COL24A1: variants seen among roughly 807,000 people sequenced by gnomAD.
The protein encoded by COL24A1 is collagen alpha-1(XXIV) chain.
A neutral mutation model predicts 253.9 loss-of-function variants in COL24A1; 224 were observed. That is an observed-to-expected ratio of 0.88 (90% CI 0.79 to 0.99). The LOEUF (loss-of-function observed/expected upper bound fraction) is 0.99, where lower values mean the gene tolerates loss of function less well. Ranked by LOEUF, COL24A1 falls within the 50% of genes least tolerant of loss-of-function variation. The pLI is 0.00. For missense variants in COL24A1, 2,131 were observed against 2,068.5 expected, an observed-to-expected ratio of 1.03 and a Z score of -0.59; for synonymous variants, 685 against 673.7, an observed-to-expected ratio of 1.02 and a Z score of -0.26.
Position 85,816,866 on chromosome 1 carries a change from G to A in COL24A1, c.3873C>T (p.Gly1291=), listed in dbSNP as rs770043801. The A allele has an allele frequency of 3.1e-6, 5 of 1,613,840 alleles. No individual in the cohort carries two copies. In the African/African-American group the frequency reaches 6.7e-5, roughly 22 times the overall value. The part of the protein sequence containing the change: ...PGLQGLLGPK[G]IQGYHGADGI... ...CATCTGCTCCATGGTATCCTTGTAT[G>A]CCTTTTGGCCCAAGTAGGCCTTGAA... Residue 1291 remains glycine (G), a synonymous_variant, in exon 47 of 60, where the codon GGC becomes GGT. Transcript: ENST00000370571.
At chr1:86,077,297 C>T (rs1439182168) in intron 7 of COL24A1, among the ~76,000 whole-genome samples, 4 of 152,216 alleles carry the variant, frequency 2.6e-5, no homozygotes, top group African/African-American at 9.7e-5. Flanking sequence ...GATACCATCT[C>T]ATGCCAGTTA....
intron 24 of COL24A1, 109 bp downstream of exon 24, chr1:85,961,140 A>C (rs1691013474): frequency 2.4e-6 from 2 of 823,408 alleles, no homozygotes; most frequent in Non-Finnish European, 4.1e-6. Flanking sequence ...AGTGGATAAG[A>C]ATTATTCTGA....
In COL24A1 at chr1:85,907,276, T is replaced by C. The variant is rs572446496; in HGVS notation, c.2725-29A>G. The C allele has an allele frequency of 1.8e-5, 29 of 1,575,010 alleles. No individual in the cohort carries two copies. The Admixed American group carries it at 1.8e-4, about 10-fold the overall frequency. On this transcript the variant is annotated intron_variant, in intron 27 of 59. Coordinates refer to ENST00000370571, the MANE Select transcript of COL24A1 (RefSeq NM_152890.7). Reference sequence around the variant, plus strand: ...TATGTTGTAAATTTAAAGTCAGTTGTAGAATTTACAAGAATACTATCAGAA... The same window carrying C: ...TATGTTGTAAATTTAAAGTCAGTTGCAGAATTTACAAGAATACTATCAGAA...
At chr1:85,913,781 G>GA (rs1490258269) in intron 24 of COL24A1, among the ~76,000 whole-genome samples, 1 of 152,196 alleles carries the variant, frequency 6.6e-6, no homozygotes, top group Non-Finnish European at 1.5e-5. Flanking sequence ...AAGGTCAATG[G>GA]AAAATTACAA....
chr1:86,139,881 C>A (rs1650826213), intron 2 of COL24A1, among the ~76,000 whole-genome samples: 1 of 152,086 alleles, frequency 6.6e-6, no homozygotes, highest in African/African-American at 2.4e-5. Flanking sequence ...GATAATTGCC[C>A]AATATTCATT....
chr1:85,825,237 T>A lies in COL24A1; in HGVS notation c.3682-1499A>T, dbSNP rs376996654. Reference sequence around the variant, plus strand: ...TGATTTCCAATTTCATCCATGTCCCTACAAAGGACATGAACTCATCATTTT... The same window carrying A: ...TGATTTCCAATTTCATCCATGTCCCAACAAAGGACATGAACTCATCATTTT... On this transcript the variant is annotated intron_variant, in intron 43 of 59. Coordinates refer to ENST00000370571, the MANE Select transcript of COL24A1 (RefSeq NM_152890.7). Among the ~76,000 whole-genome samples the A allele has an allele frequency of 3.3e-5, 5 of 152,104 alleles. No individual in the cohort carries two copies. In the East Asian group the frequency reaches 9.6e-4, roughly 29 times the overall value.
chr1:86,046,995 T>C (rs939571497), intron 11 of COL24A1, 126 bp from the exon 12 acceptor site: 5 of 681,240 alleles, frequency 7.3e-6, no homozygotes, highest in Non-Finnish European at 1.3e-5. Flanking sequence ...TATAAACTGA[T>C]GTGATATTCA....
At chr1:86,118,079 T>TC (rs397776840) in intron 3 of COL24A1, among the ~76,000 whole-genome samples, 1 of 151,800 alleles carries the variant, frequency 6.6e-6, no homozygotes, top group Non-Finnish European at 1.5e-5. Context: ...TTTTTTTTTT[T>TC]CGAGATGGAG....
In COL24A1 at chr1:86,023,318, C is replaced by A. The variant is rs190465334; in HGVS notation, c.2050-311G>T. ...GCAATATTTCTCCAACTAGATGAGA[C>A]CTTTAAAAAATATTTTAGTGCCATA... On this transcript the variant is annotated intron_variant, in intron 14 of 59. Coordinates refer to ENST00000370571, the MANE Select transcript of COL24A1 (RefSeq NM_152890.7). Among the ~76,000 whole-genome samples the A allele has an allele frequency of 3.0e-4, 45 of 152,146 alleles. No homozygotes were observed. The East Asian group carries it at 7.9e-3, about 27-fold the overall frequency.
chr1:86,104,264 G>C (rs567125030), intron 5 of COL24A1, among the ~76,000 whole-genome samples: 1 of 152,210 alleles, frequency 6.6e-6, no homozygotes, highest in Admixed American at 6.5e-5. Context: ...TATTTTGCCT[G>C]TCAGCTCCTG....
chr1:85,914,146 A>G (rs942135835), intron 24 of COL24A1, among the ~76,000 whole-genome samples: 3 of 152,218 alleles, frequency 2.0e-5, no homozygotes, highest in Admixed American at 2.0e-4. Context: ...TACCCCACCA[A>G]GTACAGATCC....
intron 5 of COL24A1, among the ~76,000 whole-genome samples, chr1:86,093,936 GA>G (rs1366929947): frequency 6.6e-6 from 1 of 152,094 alleles, no homozygotes; most frequent in Non-Finnish European, 1.5e-5. Context: ...AAACCACAAT[GA>G]GATACCGTCT....
intron 14 of COL24A1, among the ~76,000 whole-genome samples, chr1:86,026,351 G>A (rs1698019127): frequency 6.6e-6 from 1 of 152,136 alleles, no homozygotes; most frequent in African/African-American, 2.4e-5. Flanking sequence ...AATTTCATCT[G>A]AATTGTAGTC....
chr1:86,077,375 T>C (rs1397382098), intron 7 of COL24A1, among the ~76,000 whole-genome samples: 1 of 152,126 alleles, frequency 6.6e-6, no homozygotes, highest in Non-Finnish European at 1.5e-5. Context: ...CAGGAAAGCT[T>C]TTACACTGTT....
At chr1:86,153,578 T>C (rs1285084874) in intron 1 of COL24A1, among the ~76,000 whole-genome samples, 1 of 152,242 alleles carries the variant, frequency 6.6e-6, no homozygotes, top group African/African-American at 2.4e-5. Flanking sequence ...ATTCCCATAA[T>C]AACATTTACT....
Position 85,842,139 on chromosome 1 carries a change from G to A in COL24A1, c.3517-18C>T. The A allele has an allele frequency of 1.9e-6, 3 of 1,610,770 alleles. No individual in the cohort carries two copies. The highest frequency in any genetic ancestry group is 2.5e-6 in the Non-Finnish European group (3 of 1,177,174). On this transcript the variant is annotated intron_variant, in intron 40 of 59. Coordinates refer to ENST00000370571, the MANE Select transcript of COL24A1 (RefSeq NM_152890.7). The stretch of plus-strand genomic sequence containing the variant: ...TGATGGCCCTACGAAAGGACAAGTA[G>A]ACATTTATACATGCTCTACCTAGAT...
chr1:85,960,922 T>TAAAA (rs1335330901), intron 24 of COL24A1: 1 of 154,338 alleles, frequency 6.5e-6, no homozygotes. Context: ...AATAAATAAA[T>TAAAA]AAATAAAATA....
In COL24A1 at chr1:85,775,804, A is replaced by G. The variant is rs1353993024; in HGVS notation, c.4339-95T>C. ...TATATGTAGAAACATGACAATTTAT[A>G]TTTTTGCTTTTTCTATATAGTAAGA... On this transcript the variant is annotated intron_variant, in intron 52 of 59. Transcript: ENST00000370571. 2.3e-5 allele frequency: 25 copies of G among 1,108,942 alleles called. No homozygotes were observed. The Admixed American group carries it at 5.5e-4, about 24-fold the overall frequency. The allele number at this position is 1,108,942 out of a possible 1,614,324, so 68.7% of individuals were successfully genotyped here.
At chr1:85,740,688 G>A (rs866569215) in intron 57 of COL24A1, among the ~76,000 whole-genome samples, 5 of 151,460 alleles carry the variant, frequency 3.3e-5, no homozygotes, top group South Asian at 4.2e-4. Context: ...AAACTGATCC[G>A]AAAAAAATGT....
Sources: gnomAD v4.1 joint callset for allele counts (sites outside exome capture counted in the v4.1 genomes callset) on GRCh38, gnomAD v4.1.1 for gene constraint, MANE v1.5 for transcripts, NCBI Gene and HGNC (gene_info 2026-07-23, HGNC 2026-07-21) for gene names.